The following NUDT9 variants were observed in gnomAD, a reference collection of about 807,000 sequenced individuals.
NUDT9 encodes nudix hydrolase 9.
A neutral mutation model predicts 41.0 loss-of-function variants in NUDT9; 31 were observed. That is an observed-to-expected ratio of 0.76 (90% confidence interval 0.57 to 1.02). NUDT9 has a LOEUF of 1.02. Ranked by LOEUF, NUDT9 falls within the 50% of genes least tolerant of loss-of-function variation. The pLI, the probability that NUDT9 is intolerant of heterozygous loss-of-function variation, is 0.00. For synonymous variants in NUDT9, 146 were observed against 147.6 expected, an observed-to-expected ratio of 0.99 and a Z score of 0.08; for missense variants, 380 against 431.4, an observed-to-expected ratio of 0.88 and a Z score of 1.06.
At chr4:87,445,960 T>G (rs531954396) in intron 4 of NUDT9, among the ~76,000 whole-genome samples, 33 of 151,526 alleles carry the variant, frequency 2.2e-4, no homozygotes, top group Admixed American at 3.3e-4. Flanking sequence ...AGATGGGTCT[T>G]GCTATGTTAC....
chr4:87,441,791 C>T, intron 3 of NUDT9, 38 bp from the exon 4 acceptor site: 3 of 1,494,640 alleles, frequency 2.0e-6, no homozygotes, highest in Non-Finnish European at 2.8e-6. Flanking sequence ...AAAAGATGAA[C>T]ACATTCAATT....
In NUDT9 at chr4:87,422,605, A is replaced by G. The variant is rs1721172313; in HGVS notation, c.-301A>G. On this transcript the variant is annotated 5_prime_UTR_variant, in exon 1 of 8. Transcript: ENST00000302174. ...GGCCGTAAAGCGCCATTACGCAGAG[A>G]GAAAGTTACGAGGTTCGTGGCCGCG... 1.0e-5 allele frequency: 3 copies of G among 286,862 alleles called. No homozygotes were observed. The highest frequency in any genetic ancestry group is 5.2e-5 in the Admixed American group (1 of 19,052). 17.8% of individuals were successfully genotyped at this position (286,862 alleles called of 1,614,324 possible).
At chr4:87,457,199 T>C (rs892352158) in intron 7 of NUDT9, among the ~76,000 whole-genome samples, 1 of 152,038 alleles carries the variant, frequency 6.6e-6, no homozygotes, top group Non-Finnish European at 1.5e-5. Flanking sequence ...CCAGCAGTGA[T>C]TGGGAGCACT....
At chr4:87,453,510 A>G (rs1372376294) in intron 6 of NUDT9, among the ~76,000 whole-genome samples, 4 of 151,932 alleles carry the variant, frequency 2.6e-5, no homozygotes, top group Non-Finnish European at 5.9e-5. Context: ...GCTCACTGCA[A>G]CCTCTGCCTC....
rs201403376 is a variant in NUDT9, at chr4:87,449,137, C to T, written c.531-5C>T. The T allele has an allele frequency of 3.3e-6, 5 of 1,501,316 alleles. No homozygotes were observed. The East Asian group carries it at 1.1e-4, about 34-fold the overall frequency. 93.0% of individuals were successfully genotyped at this position (1,501,316 alleles called of 1,614,324 possible). ...TCCGTTATGATTTTATATTACTATTCACAGATGGAAAAGGGATAGCAGTGG... is the reference window on the plus strand; with the variant it reads ...TCCGTTATGATTTTATATTACTATTTACAGATGGAAAAGGGATAGCAGTGG... On this transcript the variant is annotated splice_region_variant and splice_polypyrimidine_tract_variant and intron_variant, in intron 4 of 7. Transcript: ENST00000302174.
At chr4:87,435,279 A>G in intron 2 of NUDT9, 59 bp downstream of exon 2, 1 of 1,524,390 alleles carries the variant, frequency 6.6e-7, no homozygotes, top group Admixed American at 2.2e-5. Context: ...TAATGGTTTT[A>G]TTTGTAAAGT....
chr4:87,452,243 C>T (rs984559042), intron 6 of NUDT9, among the ~76,000 whole-genome samples: 5 of 152,016 alleles, frequency 3.3e-5, no homozygotes, highest in African/African-American at 1.2e-4. Context: ...CTTCAGGTTA[C>T]CTGCCCGCCT....
intron 4 of NUDT9, among the ~76,000 whole-genome samples, chr4:87,447,772 A>G (rs954516131): frequency 6.6e-6 from 1 of 152,148 alleles, no homozygotes; most frequent in African/African-American, 2.4e-5. Flanking sequence ...GGTGGCTTAC[A>G]CCTGTAATTG....
chr4:87,431,504 A>G (rs1480007378), intron 1 of NUDT9, among the ~76,000 whole-genome samples: 3 of 152,222 alleles, frequency 2.0e-5, no homozygotes. Flanking sequence ...AACTTTGAGT[A>G]GTATTGACAT....
chr4:87,423,463 T>A (rs560095764), intron 1 of NUDT9, among the ~76,000 whole-genome samples: 142 of 152,324 alleles, frequency 9.3e-4, no homozygotes, highest in Non-Finnish European at 1.2e-3. Flanking sequence ...TCCTTTTTTT[T>A]AATAATTTGT....
intron 7 of NUDT9, 26 bp from the exon 8 acceptor site, chr4:87,457,817 G>T: frequency 6.3e-7 from 1 of 1,597,812 alleles, no homozygotes; most frequent in Non-Finnish European, 8.5e-7. Context: ...AGTTTTTCTT[G>T]GTGATGGTTT....
chr4:87,451,148 C>G (rs976298896), intron 5 of NUDT9, among the ~76,000 whole-genome samples: 1 of 152,078 alleles, frequency 6.6e-6, no homozygotes, highest in Non-Finnish European at 1.5e-5. Flanking sequence ...GTGAACCATG[C>G]AGATATCTAG....
chr4:87,454,022 G>T (rs1404635862), intron 6 of NUDT9, among the ~76,000 whole-genome samples: 6 of 151,572 alleles, frequency 4.0e-5, no homozygotes, highest in Non-Finnish European at 5.9e-5. Context: ...ACCATGCATG[G>T]CTAATTTTTT....
intron 5 of NUDT9, among the ~76,000 whole-genome samples, chr4:87,450,064 C>T (rs1163672431): frequency 6.6e-6 from 1 of 151,978 alleles, no homozygotes; most frequent in Non-Finnish European, 1.5e-5. Context: ...GGTTTCACTG[C>T]GTTGGCCAGG....
chr4:87,439,378 A>G (rs946081930), intron 3 of NUDT9, among the ~76,000 whole-genome samples: 2 of 150,554 alleles, frequency 1.3e-5, no homozygotes, highest in African/African-American at 2.4e-5. Context: ...CAGATTGGCC[A>G]GGCACAGTGG....
intron 4 of NUDT9, among the ~76,000 whole-genome samples, chr4:87,442,936 A>C (rs550867527): frequency 6.6e-6 from 1 of 152,324 alleles, no homozygotes; most frequent in South Asian, 2.1e-4. Flanking sequence ...AACTTTTTTT[A>C]TAAGTAGAAG....
intron 1 of NUDT9, among the ~76,000 whole-genome samples, chr4:87,433,947 T>G (rs1721794185): frequency 6.6e-6 from 1 of 152,244 alleles, no homozygotes; most frequent in Admixed American, 6.5e-5. Flanking sequence ...TCTATTTTCC[T>G]GTTTTTCCTT....
At chr4:87,457,702 T>G in intron 7 of NUDT9, 141 bp from the exon 8 acceptor site, 1 of 678,870 alleles carries the variant, frequency 1.5e-6, no homozygotes, top group Non-Finnish European at 2.4e-6. Context: ...TGACCAGGGA[T>G]GGAATGGTCT....
intron 1 of NUDT9, 27 bp downstream of exon 1, chr4:87,423,039 C>T (rs1560784103): frequency 6.3e-7 from 1 of 1,583,044 alleles, no homozygotes; most frequent in South Asian, 1.1e-5. Flanking sequence ...CTACCGGCTC[C>T]TTTGCCCTAG....
Sources: gnomAD v4.1 joint callset for allele counts (sites outside exome capture counted in the v4.1 genomes callset) on GRCh38, gnomAD v4.1.1 for gene constraint, MANE v1.5 for transcripts, NCBI Gene and HGNC (gene_info 2026-07-23, HGNC 2026-07-21) for gene names.